NELL1: variants seen among roughly 807,000 people sequenced by gnomAD.
The protein encoded by NELL1 is neural EGFL like 1.
In NELL1, 76 loss-of-function variants were observed where a neutral mutation model predicts 107.4. That is an observed-to-expected ratio of 0.71 (90% CI 0.59 to 0.86). The LOEUF (loss-of-function observed/expected upper bound fraction) is 0.86, where lower values mean the gene tolerates loss of function less well. Ranked by LOEUF, NELL1 falls within the 40% of genes least tolerant of loss-of-function variation. The pLI is 0.00. For synonymous variants in NELL1, 353 were observed against 341.2 expected (o/e 1.03, Z -0.38); for missense variants, 1,024 against 1,005.5 (o/e 1.02, Z -0.25).
chr11:21,433,919 C>T (rs1431676617), intron 15 of NELL1, among the ~76,000 whole-genome samples: 1 of 152,146 alleles, frequency 6.6e-6, no homozygotes, highest in African/African-American at 2.4e-5. Context: ...AGGTGACCTG[C>T]CCGCCTCGGC....
chr11:20,986,229 T>G (rs1851849987), intron 12 of NELL1, among the ~76,000 whole-genome samples: 1 of 152,140 alleles, frequency 6.6e-6, no homozygotes, highest in Non-Finnish European at 1.5e-5. Context: ...CAAGTTAGTC[T>G]CAAAAGAGAA....
At chr11:21,188,440 G>T (rs1856979142) in intron 13 of NELL1, among the ~76,000 whole-genome samples, 1 of 151,578 alleles carries the variant, frequency 6.6e-6, no homozygotes, top group Non-Finnish European at 1.5e-5. Context: ...TCAGTGAAAT[G>T]ATTCCTTCCA....
intron 14 of NELL1, among the ~76,000 whole-genome samples, chr11:21,241,393 C>T (rs1044762891): frequency 1.3e-5 from 2 of 152,048 alleles, no homozygotes; most frequent in African/African-American, 4.8e-5. Context: ...ACTGTCTCAC[C>T]TGGTTGGGTG....
intron 12 of NELL1, among the ~76,000 whole-genome samples, chr11:21,107,032 A>G (rs1854986284): frequency 6.6e-6 from 1 of 152,220 alleles, no homozygotes; most frequent in Non-Finnish European, 1.5e-5. Context: ...TTCTACGCTC[A>G]TAGCAAAACT....
intron 14 of NELL1, among the ~76,000 whole-genome samples, chr11:21,276,628 C>T (rs1848868621): frequency 6.6e-6 from 1 of 152,244 alleles, no homozygotes; most frequent in Admixed American, 6.5e-5. Context: ...GGAGGCATCA[C>T]ACTACCTGAC....
intron 12 of NELL1, among the ~76,000 whole-genome samples, chr11:21,034,294 C>G (rs1607097): frequency 0.33 from 49,695 of 151,992 alleles, 8,961 homozygotes; most frequent in African/African-American, 0.48. Context: ...GTTTTTGTCA[C>G]GTTTGTGAAA....
intron 12 of NELL1, among the ~76,000 whole-genome samples, chr11:21,060,570 A>G (rs534258789): frequency 6.6e-5 from 10 of 152,348 alleles, no homozygotes; most frequent in South Asian, 6.2e-4. Context: ...TCCATTATGT[A>G]GCAAATAATG....
chr11:21,131,593 G>C (rs995282901), intron 13 of NELL1, among the ~76,000 whole-genome samples: 2 of 152,182 alleles, frequency 1.3e-5, no homozygotes, highest in African/African-American at 4.8e-5. Context: ...CACAGTGCTT[G>C]CTACAATGAT....
At chr11:20,821,582 T>A (rs1480455067) in intron 3 of NELL1, among the ~76,000 whole-genome samples, 1 of 152,232 alleles carries the variant, frequency 6.6e-6, no homozygotes, top group African/African-American at 2.4e-5. Context: ...GTTATGATTA[T>A]AATATGTCCA....
In NELL1 at chr11:21,027,724, A is replaced by T. The variant is rs1315565519; in HGVS notation, c.1300+67164A>T. The stretch of plus-strand genomic sequence containing the variant: ...AGGGCCGTTTTAAAAATAATTTCTG[A>T]CTGTTTACAGTTCCTGAAGGACTTT... On this transcript the variant is annotated intron_variant, in intron 12 of 19. Coordinates refer to ENST00000357134, the MANE Select transcript of NELL1 (RefSeq NM_006157.5). Among the ~76,000 whole-genome samples, 7 of 152,144 alleles carry T rather than the reference A, an allele frequency of 4.6e-5. No individual in the cohort carries two copies. The East Asian group carries it at 1.4e-3, about 30-fold the overall frequency.
At chr11:21,214,689 A>G (rs534689220) in intron 13 of NELL1, among the ~76,000 whole-genome samples, 1 of 151,448 alleles carries the variant, frequency 6.6e-6, no homozygotes, top group East Asian at 2.0e-4. Flanking sequence ...ACTTTCGGAT[A>G]TTTATCCTAG....
intron 15 of NELL1, among the ~76,000 whole-genome samples, chr11:21,442,704 T>A (rs1853314851): frequency 6.6e-6 from 1 of 152,122 alleles, no homozygotes; most frequent in African/African-American, 2.4e-5. Context: ...ATAATAAAAG[T>A]ATGCTGTCAG....
At chr11:21,009,569 A>G (rs574547455) in intron 12 of NELL1, among the ~76,000 whole-genome samples, 1 of 152,084 alleles carries the variant, frequency 6.6e-6, no homozygotes, top group East Asian at 2.0e-4. Context: ...CTTCTGCTTG[A>G]AATCACGACT....
At chr11:21,360,046 T>A (rs541343360) in intron 14 of NELL1, among the ~76,000 whole-genome samples, 1 of 152,268 alleles carries the variant, frequency 6.6e-6, no homozygotes, top group South Asian at 2.1e-4. Context: ...CTTGGTTTTC[T>A]CCTTGTTTCT....
chr11:21,528,040 C>T (rs1222199491), intron 15 of NELL1, among the ~76,000 whole-genome samples: 1 of 152,118 alleles, frequency 6.6e-6, no homozygotes, highest in Non-Finnish European at 1.5e-5. Context: ...AATTGACACT[C>T]AATATGAACC....
chr11:21,067,894 G>A (rs1853914668), intron 12 of NELL1, among the ~76,000 whole-genome samples: 2 of 151,696 alleles, frequency 1.3e-5, no homozygotes, highest in Admixed American at 6.6e-5. Context: ...TTAGCCGGGT[G>A]TGGTGGCACA....
chr11:21,478,852 A>AAC (rs2133896614), intron 15 of NELL1, among the ~76,000 whole-genome samples: 1 of 151,100 alleles, frequency 6.6e-6, no homozygotes, highest in East Asian at 1.9e-4. Context: ...AAAAAAAAAA[A>AAC]CTGATAATCT....
At chr11:20,726,607 T>A (rs971140891) in intron 2 of NELL1, among the ~76,000 whole-genome samples, 3 of 152,176 alleles carry the variant, frequency 2.0e-5, no homozygotes, top group Admixed American at 2.0e-4. Context: ...TTTTATTTTT[T>A]AAATTATACT....
intron 14 of NELL1, among the ~76,000 whole-genome samples, chr11:21,282,957 G>A (rs1027843906): frequency 6.6e-6 from 1 of 152,078 alleles, no homozygotes; most frequent in African/African-American, 2.4e-5. Context: ...TTACTTATTT[G>A]TGGGAGCTAA....
Sources: allele counts gnomAD v4.1 joint callset (sites outside exome capture counted in the v4.1 genomes callset), GRCh38; gene constraint gnomAD v4.1.1; transcripts MANE v1.5; gene names NCBI Gene and HGNC (gene_info 2026-07-23, HGNC 2026-07-21).